The following LRP1B variants were observed in gnomAD, a reference collection of about 807,000 sequenced individuals.
The protein encoded by LRP1B is low-density lipoprotein receptor-related protein 1B.
In LRP1B, 217 loss-of-function variants were observed where a neutral mutation model predicts 556.6. The observed-to-expected ratio is 0.39, with a 90% CI of 0.35 to 0.44. LRP1B has a LOEUF of 0.44. LRP1B is among the 20% of genes least tolerant of loss of function. The pLI is 1.00. For missense variants in LRP1B, 5,053 were observed against 5,620.8 expected, an observed-to-expected ratio of 0.90 and a Z score of 3.23; for synonymous variants, 2,047 against 1,865.8, an observed-to-expected ratio of 1.10 and a Z score of -2.50.
chr2:141,097,789 T>C (rs1384555475), intron 7 of LRP1B, among the ~76,000 whole-genome samples: 1 of 152,204 alleles, frequency 6.6e-6, no homozygotes, highest in East Asian at 1.9e-4. Context: ...ATACAAATTA[T>C]TACAGTTCTC....
chr2:140,358,683 C>G (rs1315907421), intron 73 of LRP1B, 138 bp downstream of exon 73: 3 of 879,708 alleles, frequency 3.4e-6, no homozygotes, highest in Non-Finnish European at 5.2e-6. Context: ...ATTTTTATAC[C>G]TTGTCAGAAG....
chr2:140,866,837 C>T (rs1258329198), intron 27 of LRP1B, among the ~76,000 whole-genome samples: 1 of 151,910 alleles, frequency 6.6e-6, no homozygotes, highest in Non-Finnish European at 1.5e-5. Context: ...GGAACAAATG[C>T]CCTACATGCC....
chr2:140,996,073 T>C (rs1697237174), intron 15 of LRP1B, among the ~76,000 whole-genome samples: 1 of 151,996 alleles, frequency 6.6e-6, no homozygotes, highest in Admixed American at 6.6e-5. Context: ...GAATCGTGTG[T>C]CTTCTACCGG....
intron 41 of LRP1B, among the ~76,000 whole-genome samples, chr2:140,603,067 T>C (rs1682735553): frequency 6.6e-6 from 1 of 152,062 alleles, no homozygotes; most frequent in South Asian, 2.1e-4. Context: ...AACCTCAATC[T>C]ATACCAACCT....
chr2:140,250,618 CA>C (rs1681370507), intron 86 of LRP1B, among the ~76,000 whole-genome samples: 1 of 151,300 alleles, frequency 6.6e-6, no homozygotes, highest in African/African-American at 2.4e-5. Flanking sequence ...CTCTTAATTA[CA>C]GCACATTTTA....
chr2:140,457,176 A>C (rs2105323108), intron 61 of LRP1B, among the ~76,000 whole-genome samples: 1 of 152,292 alleles, frequency 6.6e-6, no homozygotes, highest in South Asian at 2.1e-4. Flanking sequence ...TAAACAAATT[A>C]TTTCAAGAAT....
intron 1 of LRP1B, among the ~76,000 whole-genome samples, chr2:142,088,591 T>C (rs1422715632): frequency 1.3e-5 from 2 of 152,168 alleles, no homozygotes; most frequent in Non-Finnish European, 2.9e-5. Flanking sequence ...TCATGGGTGA[T>C]CAAACTAGCC....
chr2:141,119,240 A>G (rs1327406046), intron 7 of LRP1B, among the ~76,000 whole-genome samples: 1 of 151,920 alleles, frequency 6.6e-6, no homozygotes, highest in African/African-American at 2.4e-5. Context: ...AATTGTCCTA[A>G]AAGAGAGAAT....
At chr2:141,635,642 G>A (rs1689085128) in intron 2 of LRP1B, among the ~76,000 whole-genome samples, 1 of 152,160 alleles carries the variant, frequency 6.6e-6, no homozygotes, top group African/African-American at 2.4e-5. Flanking sequence ...ATGTCTAAAT[G>A]TTTTAGTTGG....
intron 1 of LRP1B, among the ~76,000 whole-genome samples, chr2:141,824,610 T>G (rs1574402374): frequency 6.6e-6 from 1 of 152,140 alleles, no homozygotes; most frequent in Non-Finnish European, 1.5e-5. Context: ...GCCTTGGCCT[T>G]CCAAAGTGCT....
At chr2:140,708,262 T>TC (rs1029951270) in intron 37 of LRP1B, among the ~76,000 whole-genome samples, 2 of 151,980 alleles carry the variant, frequency 1.3e-5, no homozygotes, top group African/African-American at 4.8e-5. Context: ...ATTTTTTTTT[T>TC]CTTTTAGGCA....
At chr2:141,560,505 T>C (rs570406899) in intron 2 of LRP1B, among the ~76,000 whole-genome samples, 21 of 151,774 alleles carry the variant, frequency 1.4e-4, no homozygotes, top group African/African-American at 4.8e-4. Flanking sequence ...CAACTGATCC[T>C]TTCTCTGGCT....
intron 66 of LRP1B, among the ~76,000 whole-genome samples, chr2:140,431,142 G>T (rs960104998): frequency 6.6e-6 from 1 of 152,044 alleles, no homozygotes; most frequent in Admixed American, 6.5e-5. Context: ...ATTTTTTCAG[G>T]CTTTTAGTAT....
chr2:140,950,271 A>C lies in LRP1B; in HGVS notation c.3100T>G (p.Phe1034Val). The C allele has an allele frequency of 6.2e-7, 1 of 1,607,688 alleles. No homozygotes were observed. The highest frequency in any genetic ancestry group is 8.5e-7 in the Non-Finnish European group (1 of 1,178,004). ...ACDGDNDCGDFSDEAQINCTK... is the reference protein window; with the variant it reads ...ACDGDNDCGDVSDEAQINCTK... The stretch of plus-strand genomic sequence containing the variant: ...CAATTGATCTGGGCTTCATCACTGA[A>C]GTCCCCACAGTCATTGTCACCATCA... Residue 1034 changes from phenylalanine to valine, a missense_variant, in exon 20 of 91, where the codon TTC (phenylalanine) becomes GTC (valine). This residue lies in a region of LRP1B where 3,619 missense variants were observed against 3,931.9 expected (regional missense o/e 0.92). Coordinates refer to ENST00000389484, the MANE Select transcript of LRP1B (RefSeq NM_018557.3).
At chr2:141,189,941 A>AAAGAAAGAAAAGG (rs1320336740) in intron 6 of LRP1B, among the ~76,000 whole-genome samples, 3 of 152,000 alleles carry the variant, frequency 2.0e-5, no homozygotes, top group Non-Finnish European at 2.9e-5. Flanking sequence ...TAGAAGAAAG[A>AAAGAAAGAAAAGG]AAGAAAGAAA....
chr2:140,835,815 AG>A (rs1691881244), intron 31 of LRP1B, among the ~76,000 whole-genome samples: 1 of 152,214 alleles, frequency 6.6e-6, no homozygotes, highest in Admixed American at 6.5e-5. Context: ...CTGGGATTAC[AG>A]GCGTGAACCA....
At chr2:141,618,185 AT>A (rs200088500) in intron 2 of LRP1B, among the ~76,000 whole-genome samples, 29 of 149,486 alleles carry the variant, frequency 1.9e-4, no homozygotes, top group East Asian at 7.9e-4. Flanking sequence ...GTGTGCTTTT[AT>A]TTTTTTTTTC....
At chr2:141,358,347 G>A (rs1688698997) in intron 3 of LRP1B, among the ~76,000 whole-genome samples, 1 of 152,184 alleles carries the variant, frequency 6.6e-6, no homozygotes, top group South Asian at 2.1e-4. Context: ...TGAAACCAAT[G>A]AGCTGAGGCC....
At chr2:141,288,269 T>A (rs1213436804) in intron 3 of LRP1B, among the ~76,000 whole-genome samples, 1 of 151,440 alleles carries the variant, frequency 6.6e-6, no homozygotes. Flanking sequence ...AACTGTCCTT[T>A]GTATTTTATG....
Sources: allele counts gnomAD v4.1 joint callset (sites outside exome capture counted in the v4.1 genomes callset), GRCh38; gene constraint gnomAD v4.1.1; regional missense constraint gnomAD v4.1.1; transcripts MANE v1.5; gene names NCBI Gene and HGNC (gene_info 2026-07-23, HGNC 2026-07-21).